The following ANO5 variants were observed in gnomAD, a reference collection of about 807,000 sequenced individuals.
The protein encoded by ANO5 is anoctamin 5.
In ANO5, 109 loss-of-function variants were observed where a neutral mutation model predicts 121.0. The observed-to-expected ratio is 0.90, with a 90% CI of 0.77 to 1.06. The LOEUF (loss-of-function observed/expected upper bound fraction) is 1.06. Ranked by LOEUF, ANO5 falls within the 50% of genes least tolerant of loss-of-function variation. ANO5 has a pLI of 0.00. For missense variants in ANO5, 1,064 were observed against 1,078.5 expected, an observed-to-expected ratio of 0.99 and a Z score of 0.19; for synonymous variants, 406 against 359.9, an observed-to-expected ratio of 1.13 and a Z score of -1.45.
In ANO5 at chr11:22,262,981, C is replaced by G. The variant is rs1289517485; in HGVS notation, c.1836C>G (p.Thr612=). The change falls in exon 17 of 22, where the codon ACC becomes ACG. Residue 612 remains threonine, a synonymous_variant. Transcript: ENST00000324559. ...GAGGCTGTCTTATAGAATTGACAAC[C>G]CAATTGACCATTATAATGACCGGGA... is the stretch of plus-strand genomic sequence containing the variant. ...DPGGCLIELT[T]QLTIIMTGKQ... is the part of the protein sequence containing the mutation. 1 of 1,613,572 alleles carries G rather than the reference C, an allele frequency of 6.2e-7. No individual in the cohort carries two copies. Among genetic ancestry groups the G allele is most frequent in the Non-Finnish European group, 8.5e-7 (1 of 1,179,716 alleles).
chr11:22,213,035 C>A (rs955100726), intron 3 of ANO5, among the ~76,000 whole-genome samples: 4 of 150,936 alleles, frequency 2.7e-5, no homozygotes, highest in Admixed American at 2.6e-4. Flanking sequence ...CAGTAGACTT[C>A]TTTTTAAAAA....
chr11:22,206,157 A>T (rs1206386034), intron 2 of ANO5, among the ~76,000 whole-genome samples: 7 of 151,590 alleles, frequency 4.6e-5, no homozygotes, highest in Non-Finnish European at 8.8e-5. Context: ...CAGACAGTTT[A>T]AAAAAAAATG....
At chr11:22,218,939 AT>A (rs1403707579) in intron 4 of ANO5, among the ~76,000 whole-genome samples, 1 of 152,136 alleles carries the variant, frequency 6.6e-6, no homozygotes, top group Non-Finnish European at 1.5e-5. Flanking sequence ...ATAATTACAA[AT>A]AGATATTCTA....
chr11:22,204,219 A>G (rs986500008), intron 2 of ANO5, among the ~76,000 whole-genome samples: 3 of 152,134 alleles, frequency 2.0e-5, no homozygotes, highest in Admixed American at 1.3e-4. Flanking sequence ...GTGCTTATCT[A>G]TGACTATACT....
At chr11:22,211,994 A>G (rs1286903830) in intron 3 of ANO5, among the ~76,000 whole-genome samples, 1 of 49,230 alleles carries the variant, frequency 2.0e-5, no homozygotes, top group Non-Finnish European at 4.0e-5. Flanking sequence ...ATTTATTTTT[A>G]CTTTTTTTTT....
At chr11:22,232,779 T>G (rs1261364757) in intron 7 of ANO5, among the ~76,000 whole-genome samples, 1 of 151,990 alleles carries the variant, frequency 6.6e-6, no homozygotes. Context: ...ATGCCACCTT[T>G]TCTTATAACC....
intron 2 of ANO5, among the ~76,000 whole-genome samples, chr11:22,204,374 C>T (rs529593221): frequency 6.6e-6 from 1 of 152,166 alleles, no homozygotes; most frequent in South Asian, 2.1e-4. Flanking sequence ...TGCTTCTATA[C>T]TGAATATAAG....
chr11:22,219,389 A>T (rs1852564858), intron 4 of ANO5, among the ~76,000 whole-genome samples: 1 of 152,060 alleles, frequency 6.6e-6, no homozygotes, highest in Non-Finnish European at 1.5e-5. Flanking sequence ...TCATACGTGC[A>T]CATGTTCTGT....
chr11:22,262,123 T>G lies in ANO5; in HGVS notation c.1631-6T>G. 1 of 1,613,330 alleles carries G rather than the reference T, an allele frequency of 6.2e-7. No homozygotes were observed. Among genetic ancestry groups the G allele is most frequent in the Non-Finnish European group, 8.5e-7 (1 of 1,179,746 alleles). On this transcript the variant is annotated splice_region_variant and splice_polypyrimidine_tract_variant and intron_variant, in intron 15 of 21. Transcript: ENST00000324559. Reference sequence around the variant, plus strand: ...ATGCACTAAACATTTTTTTTTAACTTAACAGAAATTCCTCGAACATACCAG... The same window carrying G: ...ATGCACTAAACATTTTTTTTTAACTGAACAGAAATTCCTCGAACATACCAG...
intron 15 of ANO5, 131 bp downstream of exon 15, chr11:22,259,872 G>A: frequency 1.1e-6 from 1 of 874,186 alleles, no homozygotes; most frequent in Non-Finnish European, 1.8e-6. Flanking sequence ...TCTATAAATA[G>A]ACCCATATCT....
intron 4 of ANO5, among the ~76,000 whole-genome samples, chr11:22,219,392 T>A (rs1425655234): frequency 1.3e-5 from 2 of 152,074 alleles, no homozygotes; most frequent in East Asian, 1.9e-4. Flanking sequence ...TACGTGCACA[T>A]GTTCTGTTAC....
chr11:22,194,113 C>T (rs560332532), intron 1 of ANO5, among the ~76,000 whole-genome samples: 1 of 152,348 alleles, frequency 6.6e-6, no homozygotes, highest in Non-Finnish European at 1.5e-5. Flanking sequence ...GCTGCTGCTG[C>T]TGCTGTTGCT....
chr11:22,218,570 T>G (rs2133579337), intron 4 of ANO5, among the ~76,000 whole-genome samples: 1 of 150,270 alleles, frequency 6.7e-6, no homozygotes, highest in South Asian at 2.1e-4. Context: ...TTTTATTTTG[T>G]TTTGTTTTCA....
intron 5 of ANO5, 110 bp from the exon 6 acceptor site, chr11:22,225,874 A>C (rs1425570585): frequency 7.9e-6 from 6 of 763,354 alleles, no homozygotes; most frequent in African/African-American, 1.8e-5. Flanking sequence ...CAACCATGGG[A>C]GGGGCAGAGA....
chr11:22,259,450 T>C, intron 14 of ANO5, 69 bp from the exon 15 acceptor site: 1 of 1,411,858 alleles, frequency 7.1e-7, no homozygotes, highest in Non-Finnish European at 1.0e-6. Context: ...GAATAATCAA[T>C]ATGTTAGATA....
Position 22,239,560 on chromosome 11 carries a change from T to C in ANO5, c.763-9T>C, listed in dbSNP as rs1853354180. 3 of 1,589,964 alleles carry C rather than the reference T, an allele frequency of 1.9e-6. No individual in the cohort carries two copies. Among genetic ancestry groups the C allele is most frequent in the Non-Finnish European group, 2.6e-6 (3 of 1,158,220 alleles). On this transcript the variant is annotated splice_polypyrimidine_tract_variant and intron_variant, in intron 8 of 21. Coordinates refer to ENST00000324559, the MANE Select transcript of ANO5 (RefSeq NM_213599.3). ...GTCTTTTATGTACCCTCCTCTTGAA[T>C]ATCTGCAGGGCCAATATTGGAAGCC...
intron 10 of ANO5, 74 bp downstream of exon 10, chr11:22,250,445 C>A: frequency 1.9e-6 from 3 of 1,575,766 alleles, no homozygotes; most frequent in Non-Finnish European, 1.7e-6. Context: ...GTTATTATTT[C>A]CCTGGCATTT....
At chr11:22,228,760 C>G (rs1349648754) in intron 7 of ANO5, among the ~76,000 whole-genome samples, 1 of 151,718 alleles carries the variant, frequency 6.6e-6, no homozygotes, top group Non-Finnish European at 1.5e-5. Context: ...CTCTTCCTAC[C>G]TTAATGTCCT....
In ANO5 at chr11:22,220,579, G is replaced by A. The variant is rs558841252; in HGVS notation, c.181-518G>A. On this transcript the variant is annotated intron_variant, in intron 4 of 21. Coordinates refer to ENST00000324559, the MANE Select transcript of ANO5 (RefSeq NM_213599.3). ...TGTGATGCCAGCTAATAAGCTACCT[G>A]CTTTATAATATTTAACTGCACCTTG... Among the ~76,000 whole-genome samples the A allele has an allele frequency of 2.0e-5, 3 of 152,110 alleles. No homozygotes were observed. The South Asian group carries it at 6.2e-4, about 32-fold the overall frequency.
Sources: gnomAD v4.1 joint callset for allele counts (sites outside exome capture counted in the v4.1 genomes callset) on GRCh38, gnomAD v4.1.1 for gene constraint, MANE v1.5 for transcripts, NCBI Gene and HGNC (gene_info 2026-07-23, HGNC 2026-07-21) for gene names.